The following ZACN variants were observed in gnomAD, a reference collection of about 807,000 sequenced individuals.
ZACN encodes ligand-gated cation channel ZACN.
ZACN carries 52 observed loss-of-function variants against 38.9 expected under a neutral mutation model. The ratio of observed to expected loss-of-function variants is 1.34; its 90% CI spans 1.07 to 1.68. ZACN has a LOEUF of 1.68. Ranked by LOEUF, ZACN falls within the 40% of genes most tolerant of loss-of-function variation. The pLI is 0.00. For missense variants in ZACN, 559 were observed against 525.6 expected (o/e 1.06, Z -0.62); for synonymous variants, 235 against 227.4 (o/e 1.03, Z -0.30).
At position 76,082,628 on chromosome 17, in the gene ZACN, C is replaced by A; in HGVS notation, c.1214C>A (p.Pro405His). 1 of 1,612,754 alleles carries A rather than the reference C, an allele frequency of 6.2e-7. No homozygotes were observed. Among genetic ancestry groups the A allele is most frequent in the South Asian group, 1.1e-5 (1 of 90,974 alleles). The stretch of plus-strand genomic sequence containing the variant: ...GACGCAGCCCCTGGAGAGGCTGCAC[C>A]CCATGGCAGGCGGCCTAGACTGTAA... ...KSDAAPGEAA[P>H]HGRRPRL Residue 405 changes from proline (P) to histidine (H), a missense_variant, in exon 9 of 9, where the codon CCC becomes CAC. Pro to His is a moderately conservative substitution (Grantham distance 77). Transcript: ENST00000334586.
At chr17:76,080,970 G>C (rs2066947217) in intron 5 of ZACN, 3 of 401,270 alleles carry the variant, frequency 7.5e-6, no homozygotes, top group South Asian at 6.0e-5. Flanking sequence ...TGCTTCAGCT[G>C]TGAGATGATA....
Position 76,081,968 on chromosome 17 carries a change from C to G in ZACN, c.967C>G (p.Leu323Val). 1 of 1,612,806 alleles carries G rather than the reference C, an allele frequency of 6.2e-7. No individual in the cohort carries two copies. The highest frequency in any genetic ancestry group is 8.5e-7 in the Non-Finnish European group (1 of 1,179,848). The change falls in exon 8 of 9, where the codon CTT (leucine) becomes GTT (valine). Residue 323 changes from leucine (L) to valine (V), a missense_variant. Leu to Val is a conservative substitution (Grantham distance 32). Transcript: ENST00000334586. ...LLAGLLARGN[L>V]GAKSGPSPAP... ...GGCTGGGCTGCTGGCCCGGGGCAAC[C>G]TTGGGGCCAAGAGCGGCCCCAGCCC...
chr17:76,079,786 A>AGCTGAGTCCAGC, intron 3 of ZACN, 40 bp downstream of exon 3: 1 of 1,608,618 alleles, frequency 6.2e-7, no homozygotes, highest in Non-Finnish European at 8.5e-7. Flanking sequence ...GGGAAAGCCC[A>AGCTGAGTCCAGC]GCTGAGTCCA....
chr17:76,079,699 C>T lies in ZACN; in HGVS notation c.223-3C>T, dbSNP rs752134812. ...CTGAGGTGATGCATTGCCCTTCCCC[C>T]AGGACATCCTGCGATACACAATGTC... On this transcript the variant is annotated splice_polypyrimidine_tract_variant and splice_region_variant and intron_variant, in intron 2 of 8. Coordinates refer to ENST00000334586, the MANE Select transcript of ZACN (RefSeq NM_180990.4). 6.2e-7 allele frequency: 1 copy of T among 1,613,320 alleles called. No homozygotes were observed. The highest frequency in any genetic ancestry group is 8.5e-7 in the Non-Finnish European group (1 of 1,179,502).
chr17:76,082,258 A>C, intron 8 of ZACN: 1 of 774,416 alleles, frequency 1.3e-6, no homozygotes, highest in East Asian at 2.7e-5. Flanking sequence ...AGGTGACCTC[A>C]ATCCCCTGAT....
chr17:76,080,287 A>C lies in ZACN; in HGVS notation c.407A>C (p.Gln136Pro), dbSNP rs140811505. 6.8e-6 allele frequency: 11 copies of C among 1,613,760 alleles called. No homozygotes were observed. The African/African-American group carries it at 1.3e-4, about 20-fold the overall frequency. ...LWVDWRDQSP[Q>P]ARVDQDGHVK... ...GTGGACTGGAGGGACCAGAGCCCCC[A>C]GGCTCGAGTAGACCAGGACGGCCAC... The change falls in exon 5 of 9, where the codon CAG becomes CCG. Residue 136 changes from glutamine (Q) to proline (P), a missense_variant. Transcript: ENST00000334586.
intron 4 of ZACN, 117 bp from the exon 5 acceptor site, chr17:76,080,138 C>T: frequency 1.4e-6 from 2 of 1,468,498 alleles, no homozygotes; most frequent in Non-Finnish European, 1.8e-6. Flanking sequence ...GCCTCGAATT[C>T]CCCTCCCACT....
In ZACN at chr17:76,082,239, T is replaced by C. The variant is rs1598285352; in HGVS notation, c.1048+190T>C. 4 of 818,610 alleles carry C rather than the reference T, an allele frequency of 4.9e-6. No individual in the cohort carries two copies. In the East Asian group the frequency reaches 1.1e-4, roughly 22 times the overall value. The allele number at this position is 818,610 out of a possible 1,614,324, so 50.7% of individuals were successfully genotyped here. On this transcript the variant is annotated intron_variant, in intron 8 of 8. Coordinates refer to ENST00000334586, the MANE Select transcript of ZACN (RefSeq NM_180990.4). ...GGGCAGGGAGCAAGCTGAGCCTCCC[T>C]GAAGTCCCAGGTGACCTCAATCCCC...
chr17:76,080,746 G>A (rs1243697897), intron 5 of ZACN: 2 of 508,202 alleles, frequency 3.9e-6, no homozygotes, highest in Admixed American at 4.6e-5. Flanking sequence ...TCAGTCTTCT[G>A]TCCTCCCCAG....
chr17:76,080,530 G>A lies in ZACN; in HGVS notation c.544+106G>A, dbSNP rs1464672358. On this transcript the variant is annotated intron_variant, in intron 5 of 8. Transcript: ENST00000334586. ...GGGCAGGGTGCGGGGCAAGGGGAAG[G>A]GGCAAAGGCAGACAGAAGGCGAACT... 5 of 1,480,862 alleles carry A rather than the reference G, an allele frequency of 3.4e-6. No individual in the cohort carries two copies. The African/African-American group carries it at 5.6e-5, about 16-fold the overall frequency. The allele number at this position is 1,480,862 out of a possible 1,614,324, so 91.7% of individuals were successfully genotyped here.
At position 76,080,242 on chromosome 17, in the gene ZACN, C is replaced by T; in HGVS notation, c.375-13C>T. On this transcript the variant is annotated splice_polypyrimidine_tract_variant and intron_variant, in intron 4 of 8. Transcript: ENST00000334586. ...AGGGGCTGGGGCTCTGGCTGTGGTG[C>T]CTTTCCCCACAGGCTCTGGGTGGAC... The T allele has an allele frequency of 1.9e-6, 3 of 1,605,440 alleles. No individual in the cohort carries two copies. The highest frequency in any genetic ancestry group is 2.6e-6 in the Non-Finnish European group (3 of 1,175,186).
rs2066988536 is a variant in ZACN, at chr17:76,081,752, C to T, written c.877C>T (p.Leu293Phe). 1.2e-6 allele frequency: 2 copies of T among 1,613,924 alleles called. No individual in the cohort carries two copies. The highest frequency in any genetic ancestry group is 1.3e-5 in the African/African-American group (1 of 74,912). Residue 293 changes from leucine to phenylalanine, a missense_variant, in exon 7 of 9, where the codon CTC (leucine) becomes TTC (phenylalanine). Leu to Phe is a conservative substitution (Grantham distance 22). Coordinates refer to ENST00000334586, the MANE Select transcript of ZACN (RefSeq NM_180990.4). The stretch of plus-strand genomic sequence containing the variant: ...CAGCTCCTCCTCCTGCAACCCACTG[C>T]TCAGTAAGCCCTGCTCCCTTACCCA... ...LPSSSSCNPLLIYYFTILLLL... is the reference protein window; with the variant it reads ...LPSSSSCNPLFIYYFTILLLL...
intron 5 of ZACN, chr17:76,080,970 GTGAGA>G (rs1322503833): frequency 7.5e-6 from 3 of 401,270 alleles, no homozygotes; most frequent in African/African-American, 4.1e-5. Context: ...TGCTTCAGCT[GTGAGA>G]TGATAGACTG....
At chr17:76,079,845 T>C (rs755216058) in intron 3 of ZACN, 43 bp from the exon 4 acceptor site, 2 of 1,593,946 alleles carry the variant, frequency 1.3e-6, no homozygotes, top group African/African-American at 1.3e-5. Flanking sequence ...GGGGCATGGA[T>C]ATGTGGAGAG....
chr17:76,081,759 A>G lies in ZACN; in HGVS notation c.880+4A>G. 6.2e-7 allele frequency: 1 copy of G among 1,614,010 alleles called. No individual in the cohort carries two copies. Among genetic ancestry groups the G allele is most frequent in the Non-Finnish European group, 8.5e-7 (1 of 1,179,986 alleles). On this transcript the variant is annotated splice_donor_region_variant and intron_variant, in intron 7 of 8. Transcript: ENST00000334586. Reference sequence around the variant, plus strand: ...TCCTCCTGCAACCCACTGCTCAGTAAGCCCTGCTCCCTTACCCAGTCTGCC... The same window carrying G: ...TCCTCCTGCAACCCACTGCTCAGTAGGCCCTGCTCCCTTACCCAGTCTGCC...
intron 5 of ZACN, chr17:76,080,699 T>C (rs1019232423): frequency 1.7e-6 from 1 of 582,530 alleles, no homozygotes; most frequent in Non-Finnish European, 3.2e-6. Context: ...GACTCAAACA[T>C]TCGCAGCAGC....
At chr17:76,081,200 G>C (rs778258389) in intron 5 of ZACN, 78 bp from the exon 6 acceptor site, 13 of 1,584,670 alleles carry the variant, frequency 8.2e-6, no homozygotes, top group Non-Finnish European at 1.1e-5. Flanking sequence ...ATCACCCCTG[G>C]GCTCCAGTCT....
intron 8 of ZACN, 48 bp downstream of exon 8, chr17:76,082,097 G>T: frequency 6.5e-7 from 1 of 1,540,242 alleles, no homozygotes; most frequent in East Asian, 2.4e-5. Flanking sequence ...TGCACACCTA[G>T]GGCTGGGGTG....
In ZACN at chr17:76,081,339, C is replaced by T. The variant is rs377168006; in HGVS notation, c.606C>T (p.Tyr202=). The T allele has an allele frequency of 1.2e-5, 20 of 1,614,014 alleles. No homozygotes were observed. The highest frequency in any genetic ancestry group is 6.7e-5 in the East Asian group (3 of 44,892). The change falls in exon 6 of 9, where the codon TAC becomes TAT. Residue 202 remains tyrosine (Y), a synonymous_variant. Transcript: ENST00000334586. The part of the protein sequence containing the change: ...VNEIVSVKRE[Y]VVYDLKTQVP... ...AGATTGTGAGTGTCAAGAGGGAATA[C>T]GTAGTTTATGATCTGAAGACCCAAG... is the stretch of plus-strand genomic sequence containing the variant.
Sources: allele counts gnomAD v4.1 joint callset, GRCh38; gene constraint gnomAD v4.1.1; transcripts MANE v1.5; gene names NCBI Gene and HGNC (gene_info 2026-07-23, HGNC 2026-07-21).